LHFPL6: variants seen among roughly 807,000 people sequenced by gnomAD.
LHFPL6 encodes LHFPL tetraspan subfamily member 6, also known as LHFPL tetraspan subfamily member 6 protein.
LHFPL6 carries 9 observed loss-of-function variants against 20.6 expected under a neutral mutation model. The observed-to-expected ratio is 0.44, with a 90% CI of 0.26 to 0.76. The LOEUF (loss-of-function observed/expected upper bound fraction) is 0.76, where lower values mean the gene tolerates loss of function less well. Among genes scored for constraint, LHFPL6 ranks in the 30% least tolerant of loss-of-function variants. The pLI, the probability that LHFPL6 is intolerant of heterozygous loss-of-function variation, is 0.20. For synonymous variants in LHFPL6, 105 were observed against 98.7 expected (o/e 1.06, Z -0.38); for missense variants, 218 against 253.5 (o/e 0.86, Z 0.95).
At chr13:39,413,291 G>C (rs1871274851) in intron 2 of LHFPL6, among the ~76,000 whole-genome samples, 1 of 152,132 alleles carries the variant, frequency 6.6e-6, no homozygotes, top group African/African-American at 2.4e-5. Context: ...ATTCTTCAGA[G>C]CCTGTGGTCA....
rs199559696 is a variant in LHFPL6, at chr13:39,600,910, C to T, written c.307G>A (p.Ala103Thr). The change falls in exon 2 of 4, where the codon GCC becomes ACC. Residue 103 changes from alanine to threonine, a missense_variant. By Grantham distance (58) the Ala-to-Thr change is moderately conservative (BLOSUM62 0). Coordinates refer to ENST00000379589, the MANE Select transcript of LHFPL6 (RefSeq NM_005780.3). ...TCGGAAACACAGCAACCCATGAGGGCAGTGAGCGCCACCAGGAGGAGGAGG... is the reference window on the plus strand; with the variant it reads ...TCGGAAACACAGCAACCCATGAGGGTAGTGAGCGCCACCAGGAGGAGGAGG... ...CGLLLLVALT[A>T]LMGCCVSDLI... 139 of 1,585,186 alleles carry T rather than the reference C, an allele frequency of 8.8e-5. 1 individual carries two copies. The South Asian group carries it at 1.0e-3, about 12-fold the overall frequency.
intron 2 of LHFPL6, among the ~76,000 whole-genome samples, chr13:39,440,741 C>A (rs1011787427): frequency 3.3e-5 from 5 of 152,064 alleles, no homozygotes; most frequent in African/African-American, 1.2e-4. Context: ...TTGGCTGTGT[C>A]CCCCACCCTA....
At chr13:39,430,637 C>CAAACGCACCAATCAGCACTCTGTA (rs1593310167) in intron 2 of LHFPL6, among the ~76,000 whole-genome samples, 1 of 152,182 alleles carries the variant, frequency 6.6e-6, no homozygotes, top group East Asian at 1.9e-4. Flanking sequence ...TAAAGTTTTG[C>CAAACGCACCAATCAGCACTCTGTA]AAACGCACCA....
At chr13:39,543,104 A>G (rs1870864599) in intron 2 of LHFPL6, among the ~76,000 whole-genome samples, 1 of 152,306 alleles carries the variant, frequency 6.6e-6, no homozygotes, top group East Asian at 1.9e-4. Flanking sequence ...TATAAATGAA[A>G]CCATATGATA....
intron 2 of LHFPL6, among the ~76,000 whole-genome samples, chr13:39,507,234 G>A (rs112554295): frequency 9.2e-5 from 14 of 152,242 alleles, no homozygotes; most frequent in African/African-American, 2.4e-4. Context: ...GAAGCTACAC[G>A]TCCTTACAAG....
chr13:39,541,310 G>C (rs960422445), intron 2 of LHFPL6, among the ~76,000 whole-genome samples: 1 of 152,104 alleles, frequency 6.6e-6, no homozygotes, highest in African/African-American at 2.4e-5. Flanking sequence ...TTCCATGTTT[G>C]CTCTTTATGA....
chr13:39,553,042 A>G (rs1405877094), intron 2 of LHFPL6, among the ~76,000 whole-genome samples: 1 of 152,256 alleles, frequency 6.6e-6, no homozygotes, highest in Admixed American at 6.5e-5. Flanking sequence ...ATGAAGTTAA[A>G]CTTAAAAATG....
At chr13:39,359,582 G>C (rs1256229634) in intron 3 of LHFPL6, among the ~76,000 whole-genome samples, 1 of 152,072 alleles carries the variant, frequency 6.6e-6, no homozygotes, top group East Asian at 1.9e-4. Flanking sequence ...CAAAATACTG[G>C]ATAAACATGT....
At chr13:39,434,866 C>T (rs1871912204) in intron 2 of LHFPL6, among the ~76,000 whole-genome samples, 1 of 151,710 alleles carries the variant, frequency 6.6e-6, no homozygotes, top group African/African-American at 2.4e-5. Flanking sequence ...ACCATCCTGG[C>T]TAACAAGGTG....
At chr13:39,587,592 T>A (rs1203874739) in intron 2 of LHFPL6, among the ~76,000 whole-genome samples, 1 of 152,002 alleles carries the variant, frequency 6.6e-6, no homozygotes, top group South Asian at 2.1e-4. Context: ...GAATTTGAAT[T>A]ATGTATTGTG....
At chr13:39,512,611 A>AAAAG (rs373400529) in intron 2 of LHFPL6, among the ~76,000 whole-genome samples, 12,584 of 150,618 alleles carry the variant, frequency 0.084, 730 homozygotes, top group East Asian at 0.12. Flanking sequence ...CAAAAAAAAA[A>AAAAG]AAAAGAAAAG....
At chr13:39,382,050 C>T (rs565844905) in intron 2 of LHFPL6, among the ~76,000 whole-genome samples, 1 of 152,292 alleles carries the variant, frequency 6.6e-6, no homozygotes, top group Non-Finnish European at 1.5e-5. Flanking sequence ...ACTTACTTGT[C>T]TACCTACTAA....
intron 2 of LHFPL6, among the ~76,000 whole-genome samples, chr13:39,533,212 T>A (rs1041231843): frequency 6.6e-6 from 1 of 152,242 alleles, no homozygotes; most frequent in East Asian, 1.9e-4. Context: ...TATCTGGGTA[T>A]GTGGGTATAT....
intron 2 of LHFPL6, among the ~76,000 whole-genome samples, chr13:39,568,557 T>C (rs1418920527): frequency 2.0e-5 from 3 of 152,266 alleles, no homozygotes; most frequent in African/African-American, 4.8e-5. Context: ...AAAAGTCATA[T>C]TTCTCAATTA....
intron 2 of LHFPL6, among the ~76,000 whole-genome samples, chr13:39,395,207 G>T (rs1870812459): frequency 6.6e-6 from 1 of 152,092 alleles, no homozygotes; most frequent in African/African-American, 2.4e-5. Flanking sequence ...CTAATCAAAG[G>T]TTGTCAAGCA....
chr13:39,464,995 A>G (rs114151470), intron 2 of LHFPL6, among the ~76,000 whole-genome samples: 2,897 of 152,310 alleles, frequency 0.019, 94 homozygotes, highest in African/African-American at 0.065. Flanking sequence ...AGAAGAACAA[A>G]GAGCCAGTAA....
At chr13:39,351,404 G>A (rs975893336) in intron 3 of LHFPL6, among the ~76,000 whole-genome samples, 6 of 151,234 alleles carry the variant, frequency 4.0e-5, no homozygotes, top group Admixed American at 6.6e-5. Context: ...GCTTGAACTC[G>A]GAACTTGGGT....
At chr13:39,451,674 T>C (rs1467758612) in intron 2 of LHFPL6, among the ~76,000 whole-genome samples, 3 of 152,228 alleles carry the variant, frequency 2.0e-5, no homozygotes, top group Non-Finnish European at 2.9e-5. Context: ...ATTCCTTACA[T>C]GTCCTATCAG....
intron 2 of LHFPL6, among the ~76,000 whole-genome samples, chr13:39,469,480 TGC>T (rs1408778644): frequency 6.6e-6 from 1 of 152,196 alleles, no homozygotes; most frequent in Non-Finnish European, 1.5e-5. Context: ...GCTCCCCTGA[TGC>T]TTTACATCAG....
Sources: allele counts gnomAD v4.1 joint callset (sites outside exome capture counted in the v4.1 genomes callset), GRCh38; gene constraint gnomAD v4.1.1; transcripts MANE v1.5; gene names NCBI Gene and HGNC (gene_info 2026-07-23, HGNC 2026-07-21).